FKBP5: variants seen among roughly 807,000 people sequenced by gnomAD.
FKBP5 encodes FKBP prolyl isomerase 5, also known as peptidyl-prolyl cis-trans isomerase FKBP5.
FKBP5 carries 23 observed loss-of-function variants against 50.5 expected under a neutral mutation model. The observed-to-expected ratio is 0.46, with a 90% confidence interval of 0.33 to 0.65. The LOEUF (loss-of-function observed/expected upper bound fraction) is 0.65. FKBP5 is among the 30% of genes least tolerant of loss of function. The pLI is 0.02. For missense variants in FKBP5, 411 were observed against 553.1 expected, an observed-to-expected ratio of 0.74 and a Z score of 2.58; for synonymous variants, 176 against 190.6, an observed-to-expected ratio of 0.92 and a Z score of 0.63.
chr6:35,642,699 C>G, intron 2 of FKBP5, 21 bp downstream of exon 2: 1 of 1,584,566 alleles, frequency 6.3e-7, no homozygotes, highest in Non-Finnish European at 8.7e-7. Flanking sequence ...CCTTGTATGT[C>G]ACTCAGCTTT....
chr6:35,660,056 T>C lies in FKBP5; in HGVS notation c.-19-17213A>G, dbSNP rs1379334059. ...ACATTTGCATTAACCACAACCCACA[T>C]ATTCTGATATGATTTTCATTAAGTA... On this transcript the variant is annotated intron_variant, in intron 1 of 10. Coordinates refer to ENST00000357266, the MANE Select transcript of FKBP5 (RefSeq NM_004117.4). Among the ~76,000 whole-genome samples the C allele has an allele frequency of 7.1e-5, 6 of 84,268 alleles. 3 individuals carry two copies. Among genetic ancestry groups the C allele is most frequent in the African/African-American group, 1.5e-4 (4 of 27,336 alleles). The allele number at this position is 84,268 out of a possible 152,430, so 55.3% of individuals were successfully genotyped here. A position where few individuals can be genotyped will look rare whatever the true frequency, so the allele number is the denominator to read the frequency against.
At chr6:35,715,405 C>T (rs1766494193) in intron 2 of FKBP5, among the ~76,000 whole-genome samples, 1 of 152,130 alleles carries the variant, frequency 6.6e-6, no homozygotes, top group Non-Finnish European at 1.5e-5. Context: ...GAGGCTTAAA[C>T]AAGCTTATAT....
At chr6:35,668,523 G>A (rs931329903) in intron 1 of FKBP5, among the ~76,000 whole-genome samples, 6 of 152,132 alleles carry the variant, frequency 3.9e-5, no homozygotes, top group African/African-American at 1.4e-4. Context: ...GTAATAAATG[G>A]AATTTTCACT....
intron 1 of FKBP5, among the ~76,000 whole-genome samples, chr6:35,644,788 G>A (rs548000790): frequency 1.3e-5 from 2 of 152,244 alleles, no homozygotes; most frequent in African/African-American, 4.8e-5. Context: ...CTTGTAAAAG[G>A]CACCTTGATA....
At chr6:35,684,586 T>C (rs956499874) in intron 1 of FKBP5, among the ~76,000 whole-genome samples, 7 of 152,314 alleles carry the variant, frequency 4.6e-5, no homozygotes, top group East Asian at 3.9e-4. Context: ...TTTTGACTGA[T>C]TGTTTTAGAG....
intron 3 of FKBP5, among the ~76,000 whole-genome samples, chr6:35,632,288 T>C (rs865979771): frequency 4.6e-5 from 7 of 152,308 alleles, no homozygotes; most frequent in Middle Eastern, 6.8e-3. Flanking sequence ...TTCCTGGGGC[T>C]AAGCAAGATG....
intron 1 of FKBP5, among the ~76,000 whole-genome samples, chr6:35,645,613 A>G (rs924092884): frequency 6.6e-6 from 1 of 152,186 alleles, no homozygotes; most frequent in Non-Finnish European, 1.5e-5. Context: ...TATTACTACT[A>G]TATGTCAGCC....
chr6:35,717,279 G>C (rs942961080), intron 2 of FKBP5, among the ~76,000 whole-genome samples: 5 of 152,246 alleles, frequency 3.3e-5, no homozygotes, highest in African/African-American at 1.2e-4. Flanking sequence ...TGTGAGCTGG[G>C]CTTGCCTGAG....
At chr6:35,684,244 T>C (rs1294900726) in intron 1 of FKBP5, among the ~76,000 whole-genome samples, 2 of 151,480 alleles carry the variant, frequency 1.3e-5, no homozygotes, top group Non-Finnish European at 2.9e-5. Context: ...AATGGCTTAA[T>C]CACCGCTCAC....
intron 1 of FKBP5, among the ~76,000 whole-genome samples, chr6:35,675,796 T>C (rs933044141): frequency 2.0e-5 from 3 of 152,158 alleles, no homozygotes; most frequent in African/African-American, 4.8e-5. Flanking sequence ...GCAAAAGTCA[T>C]CATCATCGAA....
At chr6:35,608,472 ATCGCTTATG>A (rs1370588370) in intron 5 of FKBP5, among the ~76,000 whole-genome samples, 1 of 152,200 alleles carries the variant, frequency 6.6e-6, no homozygotes, top group African/African-American at 2.4e-5. Context: ...AAGCAGGCTG[ATCGCTTATG>A]CCCTGGAGTT....
At chr6:35,702,396 T>C (rs1766204750) in intron 2 of FKBP5, among the ~76,000 whole-genome samples, 1 of 150,850 alleles carries the variant, frequency 6.6e-6, no homozygotes, top group Admixed American at 6.6e-5. Flanking sequence ...AAAGAAAAGA[T>C]AGTCTTTTGA....
At chr6:35,641,757 C>T (rs1167280142) in intron 2 of FKBP5, among the ~76,000 whole-genome samples, 1 of 152,138 alleles carries the variant, frequency 6.6e-6, no homozygotes, top group Non-Finnish European at 1.5e-5. Context: ...GTAATCCCAA[C>T]ACTTTGCGAG....
rs772393519 is a variant in FKBP5, at chr6:35,597,475, T to C, written c.509-71A>G. ...CTGGCTAATTCAGTGAAGTGATAAA[T>C]GAGTGGTCGACAATGTAGCAAATAC... On this transcript the variant is annotated intron_variant, in intron 5 of 10. Transcript: ENST00000357266. 1.6e-4 allele frequency: 245 copies of C among 1,514,490 alleles called. 1 individual carries two copies. The highest frequency in any genetic ancestry group is 2.1e-4 in the Non-Finnish European group (236 of 1,124,752). 93.8% of individuals were successfully genotyped at this position (1,514,490 alleles called of 1,614,324 possible).
intron 2 of FKBP5, among the ~76,000 whole-genome samples, chr6:35,707,452 C>G (rs1348561919): frequency 2.0e-5 from 3 of 151,924 alleles, no homozygotes; most frequent in Non-Finnish European, 4.4e-5. Flanking sequence ...AACTCCTGAC[C>G]TCAGGTAATC....
chr6:35,707,759 A>G (rs1766347371), intron 2 of FKBP5, among the ~76,000 whole-genome samples: 2 of 151,904 alleles, frequency 1.3e-5, no homozygotes, highest in African/African-American at 4.8e-5. Flanking sequence ...CTTTGTGTCC[A>G]TGTGTTCTCA....
At chr6:35,578,815 CA>C (rs1025213921) in intron 9 of FKBP5, among the ~76,000 whole-genome samples, 3 of 151,442 alleles carry the variant, frequency 2.0e-5, no homozygotes, top group Admixed American at 6.6e-5. Context: ...TTCCTATTGC[CA>C]AAGATAGGGT....
chr6:35,647,464 G>T (rs1392342791), intron 1 of FKBP5, among the ~76,000 whole-genome samples: 2 of 152,222 alleles, frequency 1.3e-5, no homozygotes, highest in African/African-American at 4.8e-5. Flanking sequence ...GTTCCTAACT[G>T]AACCAGAACT....
chr6:35,618,074 A>G (rs1379177334), intron 5 of FKBP5, among the ~76,000 whole-genome samples: 1 of 152,220 alleles, frequency 6.6e-6, no homozygotes, highest in Non-Finnish European at 1.5e-5. Context: ...AGGGATTATA[A>G]TCTACTGCTC....
Sources: allele counts gnomAD v4.1 joint callset (sites outside exome capture counted in the v4.1 genomes callset), GRCh38; gene constraint gnomAD v4.1.1; transcripts MANE v1.5; gene names NCBI Gene and HGNC (gene_info 2026-07-23, HGNC 2026-07-21).